Variants in GGACT observed in about 807,000 individuals in gnomAD.
GGACT encodes gamma-glutamylaminecyclotransferase.
For synonymous variants in GGACT, 118 were observed against 115.3 expected, an observed-to-expected ratio of 1.02 and a Z score of -0.15; for missense variants, 241 against 233.2, an observed-to-expected ratio of 1.03 and a Z score of -0.22.
chr13:100,575,330 A>G lies in GGACT; in HGVS notation c.-11+8495T>C, dbSNP rs116467815. Among the ~76,000 whole-genome samples the G allele has an allele frequency of 2.4e-3, 366 of 152,336 alleles. 1 individual carries two copies. Among genetic ancestry groups the G allele is most frequent in the African/African-American group, 8.4e-3 (349 of 41,576 alleles). ...GGAGTGAGAGATGACAAACATTAACAGTGGCATTTTAGTAACTAATCTAGG... is the reference window on the plus strand; with the variant it reads ...GGAGTGAGAGATGACAAACATTAACGGTGGCATTTTAGTAACTAATCTAGG... On this transcript the variant is annotated intron_variant, in intron 2 of 2. Transcript: ENST00000683975.
chr13:100,550,480 T>G (rs2088652741), intron 2 of GGACT, among the ~76,000 whole-genome samples: 1 of 151,800 alleles, frequency 6.6e-6, no homozygotes, highest in Admixed American at 6.6e-5. Context: ...AGCACCATTA[T>G]AGCCAGAAAC....
intron 2 of GGACT, chr13:100,580,246 C>T (rs1329753634): frequency 2.0e-5 from 3 of 152,270 alleles, no homozygotes; most frequent in Non-Finnish European, 2.9e-5. Context: ...TGGCACCTCG[C>T]ACGGCAAAGG....
chr13:100,565,509 T>C (rs1274847872), intron 2 of GGACT, among the ~76,000 whole-genome samples: 2 of 149,322 alleles, frequency 1.3e-5, no homozygotes, highest in Non-Finnish European at 3.0e-5. Flanking sequence ...CGCTGCCTTG[T>C]AGCTTTCACA....
At chr13:100,570,822 A>G (rs1387352931) in intron 2 of GGACT, among the ~76,000 whole-genome samples, 1 of 152,150 alleles carries the variant, frequency 6.6e-6, no homozygotes, top group Non-Finnish European at 1.5e-5. Context: ...TACCACAGAG[A>G]CTGGGGTGCT....
intron 2 of GGACT, among the ~76,000 whole-genome samples, chr13:100,568,097 C>A (rs1365807842): frequency 6.6e-6 from 1 of 152,198 alleles, no homozygotes; most frequent in Non-Finnish European, 1.5e-5. Flanking sequence ...TTCACCATAA[C>A]TAGGCACATG....
intron 2 of GGACT, among the ~76,000 whole-genome samples, chr13:100,566,149 G>C (rs1301378402): frequency 6.6e-6 from 1 of 152,206 alleles, no homozygotes; most frequent in African/African-American, 2.4e-5. Context: ...CCTGAGTGCA[G>C]CCTGTGACAG....
rs2088391799 is a variant in GGACT at position 100,531,841 on chromosome 13, G to GAAAC, written c.*285_*288dup. ...TGAGCTCAAAGCAGAGCCAACAGCA[G>GAAAC]AAACAACACGAGGAGGAAGAAGAAT... On this transcript the variant is annotated 3_prime_UTR_variant, in exon 3 of 3. Transcript: ENST00000683975. 2 of 338,904 alleles carry GAAAC rather than the reference G, an allele frequency of 5.9e-6. No homozygotes were observed. Among genetic ancestry groups the GAAAC allele is most frequent in the Middle Eastern group, 7.9e-4 (1 of 1,268 alleles). 21.0% of individuals were successfully genotyped at this position (338,904 alleles called of 1,614,324 possible). A position where few individuals can be genotyped will look rare whatever the true frequency, so the allele number is the denominator to read the frequency against.
At chr13:100,538,377 A>T (rs1179576086) in intron 2 of GGACT, 1 of 152,214 alleles carries the variant, frequency 6.6e-6, no homozygotes, top group Admixed American at 6.5e-5. Flanking sequence ...TTTAAATTTT[A>T]TCTGATAAAC....
intron 2 of GGACT, among the ~76,000 whole-genome samples, chr13:100,578,248 C>T (rs923772052): frequency 3.3e-5 from 5 of 152,190 alleles, no homozygotes; most frequent in African/African-American, 9.7e-5. Context: ...TCCCTGGACA[C>T]AAGTTTGTTC....
chr13:100,561,415 A>G (rs2088758650), intron 2 of GGACT, among the ~76,000 whole-genome samples: 1 of 152,222 alleles, frequency 6.6e-6, no homozygotes, highest in African/African-American at 2.4e-5. Context: ...AATGGTTTCT[A>G]TCATAAAGTT....
intron 2 of GGACT, among the ~76,000 whole-genome samples, chr13:100,543,225 T>TTTTTTTTTG (rs2088571281): frequency 7.1e-6 from 1 of 139,936 alleles, no homozygotes; most frequent in African/African-American, 2.8e-5. Flanking sequence ...TTTTTTTTTT[T>TTTTTTTTTG]GAGACGGAGT....
chr13:100,577,873 C>G (rs1408990129), intron 2 of GGACT, among the ~76,000 whole-genome samples: 1 of 148,346 alleles, frequency 6.7e-6, no homozygotes, highest in East Asian at 1.9e-4. Context: ...AAGAAGGGTT[C>G]ATCAACTGGG....
chr13:100,563,696 A>C (rs539877360), intron 2 of GGACT, among the ~76,000 whole-genome samples: 1 of 152,326 alleles, frequency 6.6e-6, no homozygotes, highest in African/African-American at 2.4e-5. Flanking sequence ...TACAGATAAA[A>C]TCTACTATTA....
intron 2 of GGACT, chr13:100,535,866 C>T (rs544752187): frequency 6.6e-6 from 1 of 152,126 alleles, no homozygotes; most frequent in African/African-American, 2.4e-5. Context: ...TTTCTGAGAG[C>T]ATGGCCAGAA....
intron 2 of GGACT, among the ~76,000 whole-genome samples, chr13:100,550,548 TCC>T (rs2088653409): frequency 1.3e-5 from 2 of 152,252 alleles, no homozygotes; most frequent in South Asian, 4.1e-4. Flanking sequence ...GGTTTACAAC[TCC>T]TTGGCCTCCC....
At chr13:100,539,724 C>T (rs71439663) in intron 2 of GGACT, 14,757 of 606,374 alleles carry the variant, frequency 0.024, 756 homozygotes, top group East Asian at 0.18. Context: ...AATGTTCCTT[C>T]TTCTTCATTC....
chr13:100,574,888 GAGAC>G (rs1423908798), intron 2 of GGACT, among the ~76,000 whole-genome samples: 1 of 151,172 alleles, frequency 6.6e-6, no homozygotes, highest in Non-Finnish European at 1.5e-5. Flanking sequence ...AAAAAAAAAA[GAGAC>G]AGAAATCTAT....
intron 2 of GGACT, among the ~76,000 whole-genome samples, chr13:100,576,084 T>A (rs1875240061): frequency 6.6e-6 from 1 of 152,268 alleles, no homozygotes; most frequent in African/African-American, 2.4e-5. Flanking sequence ...ATGACTCTTA[T>A]CTATATAATA....
chr13:100,530,736 G>GCTGA lies in GGACT; in HGVS notation c.*1390_*1393dup. The GCTGA allele has an allele frequency of 5.5e-6, 1 of 181,298 alleles. No individual in the cohort carries two copies. Among genetic ancestry groups the GCTGA allele is most frequent in the Non-Finnish European group, 1.2e-5 (1 of 85,998 alleles). 11.2% of individuals were successfully genotyped at this position (181,298 alleles called of 1,614,324 possible). ...TCTCTATGTGGGTGTACTGTTGGTG[G>GCTGA]CTGACTCCCCTGGAGGTCACCCTGA... On this transcript the variant is annotated 3_prime_UTR_variant, in exon 3 of 3. Coordinates refer to ENST00000683975, the MANE Select transcript of GGACT (RefSeq NM_001195087.2).
Sources: allele counts gnomAD v4.1 joint callset (sites outside exome capture counted in the v4.1 genomes callset), GRCh38; gene constraint gnomAD v4.1.1; transcripts MANE v1.5; gene names NCBI Gene and HGNC (gene_info 2026-07-23, HGNC 2026-07-21).